The following COL24A1 variants were observed in gnomAD, a reference collection of about 807,000 sequenced individuals.
COL24A1 encodes collagen type XXIV alpha 1 chain, also known as collagen alpha-1(XXIV) chain.
Under a neutral mutation model 253.9 loss-of-function variants are expected in COL24A1, and 224 were observed. The observed-to-expected ratio is 0.88, with a 90% CI of 0.79 to 0.99. The LOEUF is 0.99. Among genes scored for constraint, COL24A1 ranks in the 50% least tolerant of loss-of-function variants. The pLI is 0.00. For synonymous variants in COL24A1, 685 were observed against 673.7 expected (o/e 1.02, Z -0.26); for missense variants, 2,131 against 2,068.5 (o/e 1.03, Z -0.59).
chr1:86,020,621 A>G (rs1354161097), intron 18 of COL24A1, among the ~76,000 whole-genome samples: 3 of 152,216 alleles, frequency 2.0e-5, no homozygotes, highest in South Asian at 4.1e-4. Flanking sequence ...GCACAAAAAA[A>G]TACTTATATT....
intron 35 of COL24A1, among the ~76,000 whole-genome samples, chr1:85,873,601 C>T (rs1680788255): frequency 6.6e-6 from 1 of 152,142 alleles, no homozygotes; most frequent in African/African-American, 2.4e-5. Flanking sequence ...AAATACCAAA[C>T]ACTGCATGTT....
chr1:85,857,432 C>T (rs1448248130), intron 37 of COL24A1, among the ~76,000 whole-genome samples: 1 of 134,980 alleles, frequency 7.4e-6, no homozygotes, highest in East Asian at 2.1e-4. Flanking sequence ...GATGTGAGAC[C>T]AGTTCAGCAA....
At chr1:85,925,687 G>A (rs1319659271) in intron 24 of COL24A1, among the ~76,000 whole-genome samples, 1 of 152,164 alleles carries the variant, frequency 6.6e-6, no homozygotes, top group Non-Finnish European at 1.5e-5. Context: ...ATGGATTAAA[G>A]ACCTAAATGT....
At chr1:85,873,108 A>G (rs1680725552) in intron 35 of COL24A1, among the ~76,000 whole-genome samples, 1 of 152,234 alleles carries the variant, frequency 6.6e-6, no homozygotes, top group East Asian at 1.9e-4. Flanking sequence ...TGGCCATCAG[A>G]GAAATGCAAA....
chr1:86,101,405 C>T (rs10047143), intron 5 of COL24A1, among the ~76,000 whole-genome samples: 44,656 of 151,994 alleles, frequency 0.29, 7,863 homozygotes, highest in Non-Finnish European at 0.39. Context: ...TTGCTCCGGC[C>T]AGGACTTCCA....
At chr1:85,781,313 AT>A in intron 51 of COL24A1, 40 bp from the exon 52 acceptor site, 1 of 1,373,068 alleles carries the variant, frequency 7.3e-7, no homozygotes, top group South Asian at 1.3e-5. Flanking sequence ...TGTTAGTATA[AT>A]TAAAAAAAAA....
At position 85,862,824 on chromosome 1, in the gene COL24A1, T is replaced by C. The variant is rs190577608; in HGVS notation, c.3300+5695A>G. ...CAACTGATTGTTTCCAAGGAAACTA[T>C]GTTAGAAACAAGAAACACTTCTGTG... On this transcript the variant is annotated intron_variant, in intron 37 of 59. Coordinates refer to ENST00000370571, the MANE Select transcript of COL24A1 (RefSeq NM_152890.7). 2.1e-3 allele frequency among the ~76,000 whole-genome samples: 317 copies of C among 152,336 alleles called. 10 individuals are homozygous for C. The South Asian group carries it at 0.052, about 25-fold the overall frequency.
At chr1:85,889,442 G>A in intron 32 of COL24A1, 118 bp downstream of exon 32, 1 of 821,086 alleles carries the variant, frequency 1.2e-6, no homozygotes, top group Non-Finnish European at 2.0e-6. Flanking sequence ...AGTCTATGGT[G>A]TCTATGATAA....
intron 1 of COL24A1, among the ~76,000 whole-genome samples, chr1:86,151,025 A>G (rs564190071): frequency 5.3e-5 from 8 of 152,198 alleles, no homozygotes; most frequent in African/African-American, 1.7e-4. Context: ...TTACTTAGCA[A>G]AATGTTATAT....
At chr1:85,737,629 T>C in intron 57 of COL24A1, 124 bp from the exon 58 acceptor site, 1 of 608,604 alleles carries the variant, frequency 1.6e-6, no homozygotes. Context: ...AGCGGTGCGA[T>C]CTTGGCTCAC....
intron 32 of COL24A1, among the ~76,000 whole-genome samples, chr1:85,882,627 CT>C (rs1681994131): frequency 6.6e-6 from 1 of 152,100 alleles, no homozygotes; most frequent in African/African-American, 2.4e-5. Flanking sequence ...TAAATTAGAT[CT>C]AGTTGACTTA....
At chr1:85,878,640 C>T (rs1469922027) in intron 32 of COL24A1, among the ~76,000 whole-genome samples, 2 of 152,152 alleles carry the variant, frequency 1.3e-5, no homozygotes, top group Admixed American at 1.3e-4. Context: ...GTATGCCTAG[C>T]TTCTTAAAAA....
At chr1:85,900,949 A>G (rs1379045033) in intron 28 of COL24A1, among the ~76,000 whole-genome samples, 1 of 152,218 alleles carries the variant, frequency 6.6e-6, no homozygotes, top group East Asian at 1.9e-4. Context: ...TTGGAACTAT[A>G]AAACTTCCAG....
rs971522516 is a variant in COL24A1 at position 85,881,272 on chromosome 1, C to G, written c.2977-4097G>C. ...CAAATCAAATCAAATCAAATCAAAT[C>G]AAACCTATTCAGGTTATCCCTTTCT... On this transcript the variant is annotated intron_variant, in intron 32 of 59. Coordinates refer to ENST00000370571, the MANE Select transcript of COL24A1 (RefSeq NM_152890.7). Among the ~76,000 whole-genome samples the G allele has an allele frequency of 3.9e-5, 6 of 151,934 alleles. No homozygotes were observed. In the East Asian group the frequency reaches 9.7e-4, roughly 24 times the overall value.
chr1:86,119,925 T>C (rs1706555761), intron 3 of COL24A1, among the ~76,000 whole-genome samples: 1 of 152,180 alleles, frequency 6.6e-6, no homozygotes, highest in South Asian at 2.1e-4. Context: ...AACAGCATGG[T>C]ACTGGTACCA....
At chr1:86,015,900 T>A (rs1243388685) in intron 19 of COL24A1, among the ~76,000 whole-genome samples, 1 of 148,716 alleles carries the variant, frequency 6.7e-6, no homozygotes, top group South Asian at 2.1e-4. Flanking sequence ...TTTTTTTTTT[T>A]TGGAGACGGG....
rs1557935313 is a variant in COL24A1 at position 85,737,445 on chromosome 1, T to C, written c.4733A>G (p.Asn1578Ser). Residue 1578 changes from asparagine to serine, a missense_variant, in exon 58 of 60, where the codon AAT (asparagine) becomes AGT (serine). Transcript: ENST00000370571. ...GCATGTCTGGCCACCAGCACTGAAA[T>C]TGCAGAAAACCTCAATGGCATCTGA... Reference protein sequence around the residue: ...CPSDAIEVFCNFSAGGQTCLP... With the variant: ...CPSDAIEVFCSFSAGGQTCLP... The C allele has an allele frequency of 6.2e-7, 1 of 1,613,176 alleles. No individual in the cohort carries two copies. The highest frequency in any genetic ancestry group is 8.5e-7 in the Non-Finnish European group (1 of 1,179,424).
chr1:85,807,589 G>T (rs751811548), intron 47 of COL24A1, among the ~76,000 whole-genome samples: 1 of 152,128 alleles, frequency 6.6e-6, no homozygotes, highest in Non-Finnish European at 1.5e-5. Flanking sequence ...TAATATACAG[G>T]TGGAAAAATT....
At chr1:85,794,524 C>CTTG (rs1402693673) in intron 47 of COL24A1, among the ~76,000 whole-genome samples, 1 of 152,104 alleles carries the variant, frequency 6.6e-6, no homozygotes, top group African/African-American at 2.4e-5. Context: ...ATTTACTATG[C>CTTG]TTGTTGGTTT....
Sources: gnomAD v4.1 joint callset for allele counts (sites outside exome capture counted in the v4.1 genomes callset) on GRCh38, gnomAD v4.1.1 for gene constraint, MANE v1.5 for transcripts, NCBI Gene and HGNC (gene_info 2026-07-23, HGNC 2026-07-21) for gene names.